The following ACBD5 variants were observed in gnomAD, a reference collection of about 807,000 sequenced individuals.
ACBD5 encodes acyl-CoA binding domain containing 5.
A neutral mutation model predicts 71.8 loss-of-function variants in ACBD5; 40 were observed. The observed-to-expected ratio is 0.56, with a 90% CI of 0.43 to 0.72. The LOEUF is 0.72. ACBD5 is among the 30% of genes least tolerant of loss of function. The pLI is 0.00. For missense variants in ACBD5, 559 were observed against 644.5 expected (o/e 0.87, Z 1.44); for synonymous variants, 229 against 218.6 (o/e 1.05, Z -0.42).
intron 4 of ACBD5, among the ~76,000 whole-genome samples, chr10:27,229,618 G>A (rs894312880): frequency 6.6e-6 from 1 of 151,936 alleles, no homozygotes; most frequent in African/African-American, 2.4e-5. Context: ...GTAAATTATT[G>A]AAATTAGAAT....
chr10:27,225,470 A>C (rs993560435), intron 4 of ACBD5, among the ~76,000 whole-genome samples: 1 of 152,178 alleles, frequency 6.6e-6, no homozygotes, highest in Non-Finnish European at 1.5e-5. Flanking sequence ...CTATGTTAAC[A>C]ATAACTGGTT....
intron 2 of ACBD5, 44 bp from the exon 3 acceptor site, chr10:27,235,256 A>G: frequency 3.7e-6 from 6 of 1,609,658 alleles, no homozygotes; most frequent in South Asian, 1.1e-5. Context: ...GGGGAATACA[A>G]CTGATAATCA....
At chr10:27,199,269 C>T (rs548947459) in intron 12 of ACBD5, among the ~76,000 whole-genome samples, 8 of 151,412 alleles carry the variant, frequency 5.3e-5, no homozygotes, top group Non-Finnish European at 1.2e-4. Context: ...CGGCTCACTG[C>T]AACCTCCACC....
chr10:27,222,330 A>C (rs552401336), intron 5 of ACBD5, among the ~76,000 whole-genome samples: 6 of 152,192 alleles, frequency 3.9e-5, no homozygotes, highest in African/African-American at 1.4e-4. Flanking sequence ...TAATACCAAC[A>C]AATCTCCCAT....
At chr10:27,230,097 G>GT (rs994196384) in intron 4 of ACBD5, among the ~76,000 whole-genome samples, 3 of 70,680 alleles carry the variant, frequency 4.2e-5, no homozygotes, top group African/African-American at 1.5e-4. Flanking sequence ...GAAATTTAAG[G>GT]TAAAAAAAAA....
At chr10:27,229,072 T>C (rs1175348026) in intron 4 of ACBD5, among the ~76,000 whole-genome samples, 1 of 150,072 alleles carries the variant, frequency 6.7e-6, no homozygotes, top group African/African-American at 2.4e-5. Context: ...TCCGCCCGCC[T>C]CGGCTTCGGA....
intron 4 of ACBD5, among the ~76,000 whole-genome samples, chr10:27,228,329 A>G (rs1386397168): frequency 6.6e-6 from 1 of 151,384 alleles, no homozygotes; most frequent in Non-Finnish European, 1.5e-5. Context: ...TAATCCCAGC[A>G]CTTTGGGAGG....
intron 8 of ACBD5, among the ~76,000 whole-genome samples, chr10:27,215,031 G>C (rs954322509): frequency 2.0e-5 from 3 of 152,138 alleles, no homozygotes; most frequent in Admixed American, 6.5e-5. Flanking sequence ...AGGTGTGGTG[G>C]CACATGCCTG....
upstream of ACBD5, among the ~76,000 whole-genome samples, chr10:27,241,248 C>G (rs2065464309): frequency 6.6e-6 from 1 of 152,190 alleles, no homozygotes. Flanking sequence ...GGGACAGGTT[C>G]TGTGAGAAAC....
At chr10:27,212,036 T>C (rs1157524975) in intron 8 of ACBD5, among the ~76,000 whole-genome samples, 1 of 151,784 alleles carries the variant, frequency 6.6e-6, no homozygotes, top group Non-Finnish European at 1.5e-5. Context: ...AACGACCAAA[T>C]AGGAGAGTGG....
chr10:27,191,852 C>T (rs940584465), downstream of ACBD5, among the ~76,000 whole-genome samples: 1 of 151,876 alleles, frequency 6.6e-6, no homozygotes, highest in Non-Finnish European at 1.5e-5. Flanking sequence ...TGCACCTCTG[C>T]ACTCCAGCCT....
intron 9 of ACBD5, 131 bp downstream of exon 9, chr10:27,210,683 G>A (rs995205353): frequency 2.8e-5 from 34 of 1,195,214 alleles, no homozygotes; most frequent in Middle Eastern, 2.7e-4. Context: ...ACTTGAACCC[G>A]GGAGGCAGAG....
chr10:27,234,669 C>A (rs1012361524), intron 3 of ACBD5, among the ~76,000 whole-genome samples: 2 of 152,222 alleles, frequency 1.3e-5, no homozygotes, highest in Non-Finnish European at 2.9e-5. Context: ...TGGTGGCTCA[C>A]GCCTGTAATC....
intron 4 of ACBD5, among the ~76,000 whole-genome samples, chr10:27,223,909 C>G (rs1387441646): frequency 6.6e-6 from 1 of 150,798 alleles, no homozygotes; most frequent in East Asian, 1.9e-4. Context: ...GATGCCATCT[C>G]CAAAAATTAA....
At chr10:27,188,641 T>TAACA (rs938930687) in intron 13 of ACBD5, among the ~76,000 whole-genome samples, 7 of 152,224 alleles carry the variant, frequency 4.6e-5, no homozygotes, top group Admixed American at 3.3e-4. Flanking sequence ...CACTGTTTAC[T>TAACA]AACAGACCTA....
Position 27,223,452 on chromosome 10 carries a change from T to C in ACBD5, c.376A>G (p.Ile126Val). ...MIAYVEEMKK[I>V]IETMPMTEKV... ...TCAGTCATTGGCATAGTTTCAATAA[T>C]CTGTAATCAAAAGAAACAAATATTG... The change falls in exon 5 of 13, where the codon ATT (isoleucine) becomes GTT (valine). Residue 126 changes from isoleucine to valine, a missense_variant and splice_region_variant. Transcript: ENST00000396271. 6.2e-7 allele frequency: 1 copy of C among 1,606,890 alleles called. No individual in the cohort carries two copies. The highest frequency in any genetic ancestry group is 1.7e-4 in the Middle Eastern group (1 of 6,048).
downstream of ACBD5, among the ~76,000 whole-genome samples, chr10:27,193,176 G>T (rs1588899650): frequency 2.2e-4 from 20 of 92,044 alleles, no homozygotes; most frequent in Admixed American, 1.1e-3. Flanking sequence ...TGTGTGTCTT[G>T]CTCTGTTTCC....
At chr10:27,213,029 G>A (rs1210104149) in intron 8 of ACBD5, among the ~76,000 whole-genome samples, 1 of 152,182 alleles carries the variant, frequency 6.6e-6, no homozygotes, top group Non-Finnish European at 1.5e-5. Flanking sequence ...ACACTGAACT[G>A]TATTAGAACA....
At position 27,218,111 on chromosome 10, in the gene ACBD5, T is replaced by C. The variant is rs1221043440; in HGVS notation, c.698A>G (p.Asp233Gly). The C allele has an allele frequency of 1.2e-6, 2 of 1,613,998 alleles. No homozygotes were observed. Among genetic ancestry groups the C allele is most frequent in the Admixed American group, 1.7e-5 (1 of 59,998 alleles). Reference sequence around the variant, plus strand: ...ATTCTGTATATCCTGAACAAAGCCATCTTTATCATAGCCATTAGTGACAAT... The same window carrying C: ...ATTCTGTATATCCTGAACAAAGCCACCTTTATCATAGCCATTAGTGACAAT... ...EVIVTNGYDK[D>G]GFVQDIQNDI... is the part of the protein sequence containing the mutation. Residue 233 changes from aspartate to glycine, a missense_variant, in exon 7 of 13, where the codon GAT becomes GGT. Physicochemically the swap from Asp to Gly is moderately conservative, Grantham distance 94. Transcript: ENST00000396271.
Sources: gnomAD v4.1 joint callset for allele counts (sites outside exome capture counted in the v4.1 genomes callset) on GRCh38, gnomAD v4.1.1 for gene constraint, MANE v1.5 for transcripts, NCBI Gene and HGNC (gene_info 2026-07-23, HGNC 2026-07-21) for gene names.